DAB1: variants seen among roughly 807,000 people sequenced by gnomAD.
DAB1 encodes the protein DAB adaptor protein 1.
A neutral mutation model predicts 64.6 loss-of-function variants in DAB1; 15 were observed. The ratio of observed to expected loss-of-function variants is 0.23; its 90% CI spans 0.16 to 0.36. The LOEUF (loss-of-function observed/expected upper bound fraction) is 0.36. Ranked by LOEUF, DAB1 falls within the 10% of genes least tolerant of loss-of-function variation. The pLI is 1.00. For missense variants in DAB1, 596 were observed against 706.7 expected, an observed-to-expected ratio of 0.84 and a Z score of 1.78; for synonymous variants, 235 against 251.9, an observed-to-expected ratio of 0.93 and a Z score of 0.64.
At chr1:57,074,230 T>C (rs1452450677) in intron 4 of DAB1, among the ~76,000 whole-genome samples, 2 of 152,216 alleles carry the variant, frequency 1.3e-5, no homozygotes, top group South Asian at 2.1e-4. Flanking sequence ...TTTGAGTATA[T>C]TCTCTTACTG....
chr1:57,441,361 TCTTTC>T, intron 7 of DAB1, among the ~76,000 whole-genome samples: 1 of 151,482 alleles, frequency 6.6e-6, no homozygotes, highest in African/African-American at 2.4e-5. Context: ...TTTTCTTTCT[TCTTTC>T]TTTTTTTTTG....
At chr1:57,182,086 C>T (rs960996463) in intron 2 of DAB1, among the ~76,000 whole-genome samples, 4 of 152,178 alleles carry the variant, frequency 2.6e-5, no homozygotes, top group South Asian at 2.1e-4. Context: ...GGGGTTTCAC[C>T]GTGTTAGCCA....
intron 5 of DAB1, among the ~76,000 whole-genome samples, chr1:57,891,583 C>T (rs1427497905): frequency 6.6e-6 from 1 of 152,152 alleles, no homozygotes; most frequent in African/African-American, 2.4e-5. Context: ...GCACTATTCA[C>T]AATAGCAAAG....
chr1:57,801,890 T>A (rs1435840990), intron 6 of DAB1, among the ~76,000 whole-genome samples: 3 of 152,198 alleles, frequency 2.0e-5, no homozygotes, highest in Non-Finnish European at 4.4e-5. Context: ...ACTCCTGATC[T>A]CAAGCAATCC....
At chr1:57,847,671 T>C (rs1653350108) in intron 1 of DAB1, among the ~76,000 whole-genome samples, 1 of 152,164 alleles carries the variant, frequency 6.6e-6, no homozygotes, top group Non-Finnish European at 1.5e-5. Context: ...GTTATTTTTA[T>C]ATTGATAGAA....
intron 4 of DAB1, among the ~76,000 whole-genome samples, chr1:58,180,909 T>A (rs1656755150): frequency 6.6e-6 from 1 of 152,194 alleles, no homozygotes; most frequent in South Asian, 2.1e-4. Flanking sequence ...TTCTAAATAA[T>A]TGTTTTATGT....
At chr1:58,132,424 T>A (rs1653672949) in intron 5 of DAB1, among the ~76,000 whole-genome samples, 1 of 152,202 alleles carries the variant, frequency 6.6e-6, no homozygotes, top group South Asian at 2.1e-4. Context: ...GTCTTCTGCG[T>A]CGCTCACGCT....
chr1:57,518,410 C>T (rs1644487525), intron 7 of DAB1, among the ~76,000 whole-genome samples: 2 of 152,128 alleles, frequency 1.3e-5, no homozygotes, highest in Admixed American at 1.3e-4. Flanking sequence ...CCTTCTCTGA[C>T]CATGCTAGCT....
chr1:57,809,454 A>G (rs918363428), intron 6 of DAB1, among the ~76,000 whole-genome samples: 2 of 152,208 alleles, frequency 1.3e-5, no homozygotes, highest in Non-Finnish European at 1.5e-5. Context: ...TGTTACATTA[A>G]AACATAGCTA....
intron 7 of DAB1, among the ~76,000 whole-genome samples, chr1:57,475,854 T>G (rs1643929292): frequency 6.6e-6 from 1 of 152,242 alleles, no homozygotes; most frequent in South Asian, 2.1e-4. Context: ...CCACAAGGCC[T>G]GGCTCAAAAA....
At chr1:57,567,646 G>C (rs960074672) in intron 7 of DAB1, among the ~76,000 whole-genome samples, 4 of 152,088 alleles carry the variant, frequency 2.6e-5, no homozygotes, top group Non-Finnish European at 5.9e-5. Flanking sequence ...GACAAACAGA[G>C]AGCCAAATCA....
chr1:58,403,707 T>C (rs1299737327), intron 3 of DAB1, among the ~76,000 whole-genome samples: 2 of 152,206 alleles, frequency 1.3e-5, no homozygotes, highest in Non-Finnish European at 2.9e-5. Flanking sequence ...ATCTTGGATG[T>C]GAAGCTCTGA....
At chr1:57,193,865 C>A (rs905807725) in intron 2 of DAB1, among the ~76,000 whole-genome samples, 2 of 152,220 alleles carry the variant, frequency 1.3e-5, no homozygotes, top group African/African-American at 4.8e-5. Context: ...CTGGATCCAG[C>A]AGTTATTAGT....
At chr1:57,391,539 G>A (rs1335981706) in intron 1 of DAB1, among the ~76,000 whole-genome samples, 3 of 152,238 alleles carry the variant, frequency 2.0e-5, no homozygotes, top group South Asian at 2.1e-4. Context: ...CCAAGAGCAT[G>A]AGCCCCATAT....
At chr1:58,075,150 G>T (rs138842569) in intron 5 of DAB1, among the ~76,000 whole-genome samples, 9 of 152,258 alleles carry the variant, frequency 5.9e-5, no homozygotes, top group Admixed American at 2.6e-4. Flanking sequence ...AGGAAACAGA[G>T]AATTTCTTTT....
intron 5 of DAB1, among the ~76,000 whole-genome samples, chr1:58,130,668 C>G (rs537224426): frequency 7.8e-4 from 118 of 151,686 alleles, no homozygotes; most frequent in African/African-American, 2.5e-3. Context: ...GACAAAATCT[C>G]TCAGCATTTG....
At position 57,072,337 on chromosome 1, in the gene DAB1, A is replaced by G; in HGVS notation, c.384T>C (p.Tyr128=). Residue 128 remains tyrosine, a synonymous_variant, in exon 5 of 15, where the codon TAT becomes TAC. Transcript: ENST00000371236. ...KDITDHRAFG[Y]VCGKEGNHRF... ...TGTGATTCCCTTCCTTCCCACAAAC[A>G]TATCCAAAGGCCCGGTGATCTGTAA... 5.0e-6 allele frequency: 8 copies of G among 1,613,912 alleles called. No individual in the cohort carries two copies. Among genetic ancestry groups the G allele is most frequent in the Non-Finnish European group, 6.8e-6 (8 of 1,179,854 alleles).
At chr1:57,204,128 G>C (rs1182847451) in intron 2 of DAB1, among the ~76,000 whole-genome samples, 2 of 152,020 alleles carry the variant, frequency 1.3e-5, no homozygotes, top group Non-Finnish European at 2.9e-5. Context: ...GACCTCAAGT[G>C]GTCTGCCCAC....
chr1:57,843,019 G>A (rs1653123245), intron 1 of DAB1, among the ~76,000 whole-genome samples: 1 of 152,196 alleles, frequency 6.6e-6, no homozygotes, highest in South Asian at 2.1e-4. Flanking sequence ...TTGACTGGGA[G>A]CTGCAGCTCA....
Sources: allele counts gnomAD v4.1 joint callset (sites outside exome capture counted in the v4.1 genomes callset), GRCh38; gene constraint gnomAD v4.1.1; transcripts MANE v1.5; gene names NCBI Gene and HGNC (gene_info 2026-07-23, HGNC 2026-07-21).